The following SYT9 variants were observed in gnomAD, a reference collection of about 807,000 sequenced individuals.
The protein encoded by SYT9 is synaptotagmin-9.
A neutral mutation model predicts 48.4 loss-of-function variants in SYT9; 22 were observed. The observed-to-expected ratio is 0.45, with a 90% confidence interval of 0.32 to 0.65. The LOEUF (loss-of-function observed/expected upper bound fraction) is 0.65. SYT9 is among the 30% of genes least tolerant of loss of function. SYT9 has a pLI of 0.03. For synonymous variants in SYT9, 265 were observed against 245.0 expected (o/e 1.08, Z -0.76); for missense variants, 577 against 622.0 (o/e 0.93, Z 0.77).
chr11:7,350,064 A>G (rs1392253848), intron 3 of SYT9, among the ~76,000 whole-genome samples: 1 of 152,212 alleles, frequency 6.6e-6, no homozygotes, highest in Non-Finnish European at 1.5e-5. Flanking sequence ...CTCATGGGTC[A>G]ATATAGTTTT....
At chr11:7,282,977 A>C (rs1697690522) in intron 1 of SYT9, among the ~76,000 whole-genome samples, 1 of 151,282 alleles carries the variant, frequency 6.6e-6, no homozygotes, top group African/African-American at 2.4e-5. Flanking sequence ...AGAGATTGAG[A>C]GAGAGAGAGA....
At chr11:7,416,266 T>C in intron 4 of SYT9, 104 bp downstream of exon 4, 2 of 1,410,788 alleles carry the variant, frequency 1.4e-6, no homozygotes, top group South Asian at 1.3e-5. Flanking sequence ...GGAACCAGAC[T>C]GCCTAGGCTT....
At chr11:7,394,887 T>C (rs1487414141) in intron 3 of SYT9, among the ~76,000 whole-genome samples, 1 of 152,170 alleles carries the variant, frequency 6.6e-6, no homozygotes, top group Non-Finnish European at 1.5e-5. Context: ...CCGTTTTCAT[T>C]TGTTTCAAAG....
intron 3 of SYT9, among the ~76,000 whole-genome samples, chr11:7,394,192 A>G (rs1429408682): frequency 1.4e-5 from 2 of 148,032 alleles, no homozygotes; most frequent in African/African-American, 2.5e-5. Context: ...ATTCCCACCT[A>G]TGAGTGAGAA....
At chr11:7,297,004 CT>C (rs1848822441) in intron 1 of SYT9, among the ~76,000 whole-genome samples, 1 of 152,028 alleles carries the variant, frequency 6.6e-6, no homozygotes, top group Admixed American at 6.6e-5. Flanking sequence ...AGCCCTCCCC[CT>C]GACACACACA....
At chr11:7,241,917 G>A (rs765461420) in intron 1 of SYT9, among the ~76,000 whole-genome samples, 14 of 152,236 alleles carry the variant, frequency 9.2e-5, no homozygotes, top group Non-Finnish European at 2.1e-4. Context: ...CCAAACATGG[G>A]TTCCCATTTC....
At chr11:7,313,985 G>T in intron 3 of SYT9, 44 bp downstream of exon 3, 1 of 1,574,192 alleles carries the variant, frequency 6.4e-7, no homozygotes, top group Non-Finnish European at 8.6e-7. Context: ...GGGCATCTTG[G>T]TTAGCAAGGA....
chr11:7,416,665 A>G (rs543866250), intron 4 of SYT9, among the ~76,000 whole-genome samples: 4 of 152,198 alleles, frequency 2.6e-5, no homozygotes, highest in African/African-American at 4.8e-5. Flanking sequence ...TTTAAAGTAT[A>G]CGGGAGAATG....
chr11:7,412,864 G>A (rs748822577), intron 3 of SYT9, among the ~76,000 whole-genome samples: 1 of 152,206 alleles, frequency 6.6e-6, no homozygotes, highest in South Asian at 2.1e-4. Context: ...TTATCAGGGG[G>A]TTGAGTTGCC....
intron 6 of SYT9, chr11:7,454,419 C>G (rs1051365578): frequency 2.2e-5 from 12 of 536,764 alleles, no homozygotes; most frequent in Admixed American, 1.3e-4. Flanking sequence ...CTGCCCTATC[C>G]CCACATCCTA....
At chr11:7,349,192 A>G (rs916998305) in intron 3 of SYT9, among the ~76,000 whole-genome samples, 2 of 147,968 alleles carry the variant, frequency 1.4e-5, no homozygotes, top group Non-Finnish European at 3.1e-5. Flanking sequence ...ATTGCCGGGG[A>G]CTGGGGGGAG....
chr11:7,466,929 GC>G lies in SYT9; in HGVS notation c.*130del. The G allele has an allele frequency of 8.8e-7, 1 of 1,142,620 alleles. No individual in the cohort carries two copies. 70.8% of individuals were successfully genotyped at this position (1,142,620 alleles called of 1,614,324 possible). A position where few individuals can be genotyped will look rare whatever the true frequency, so the allele number is the denominator to read the frequency against. ...GACCAAATGCTCAGCTGTAACCACA[GC>G]ACTAACTGGCCTTCTTTCCAGATTG... On this transcript the variant is annotated 3_prime_UTR_variant, in exon 7 of 7. Transcript: ENST00000318881.
intron 1 of SYT9, among the ~76,000 whole-genome samples, chr11:7,295,173 A>C (rs1336215174): frequency 6.6e-6 from 1 of 152,212 alleles, no homozygotes; most frequent in African/African-American, 2.4e-5. Context: ...TTTGCTTAAC[A>C]ATTCTGTCTT....
intron 1 of SYT9, among the ~76,000 whole-genome samples, chr11:7,284,027 G>A (rs1848553162): frequency 6.6e-6 from 1 of 152,106 alleles, no homozygotes; most frequent in Admixed American, 6.5e-5. Context: ...ATCTTGTCAT[G>A]TTCTAATTGA....
intron 1 of SYT9, among the ~76,000 whole-genome samples, chr11:7,254,353 G>C (rs1051045574): frequency 2.0e-5 from 3 of 152,170 alleles, no homozygotes; most frequent in African/African-American, 4.8e-5. Context: ...GAGAGGAAAT[G>C]AGGCCAAAGA....
At chr11:7,360,019 G>T (rs1440859549) in intron 3 of SYT9, among the ~76,000 whole-genome samples, 1 of 151,524 alleles carries the variant, frequency 6.6e-6, no homozygotes, top group Non-Finnish European at 1.5e-5. Flanking sequence ...ATCTTGAATT[G>T]ATTTTTGTAT....
chr11:7,259,566 G>A (rs1166023153), intron 1 of SYT9, among the ~76,000 whole-genome samples: 1 of 151,996 alleles, frequency 6.6e-6, no homozygotes, highest in Admixed American at 6.6e-5. Context: ...GTGAACAAAA[G>A]GTTGCTAATT....
At chr11:7,330,283 G>A (rs954689489) in intron 3 of SYT9, among the ~76,000 whole-genome samples, 2 of 152,004 alleles carry the variant, frequency 1.3e-5, no homozygotes, top group Admixed American at 1.3e-4. Flanking sequence ...AATGCTAAGT[G>A]AAAAAAAGCA....
At chr11:7,337,984 C>G (rs1849656548) in intron 3 of SYT9, among the ~76,000 whole-genome samples, 1 of 152,190 alleles carries the variant, frequency 6.6e-6, no homozygotes, top group Non-Finnish European at 1.5e-5. Context: ...ATGAATCTCT[C>G]TGTCCCTGCA....
Sources: gnomAD v4.1 joint callset for allele counts (sites outside exome capture counted in the v4.1 genomes callset) on GRCh38, gnomAD v4.1.1 for gene constraint, MANE v1.5 for transcripts, NCBI Gene and HGNC (gene_info 2026-07-23, HGNC 2026-07-21) for gene names.